The following STK31 variants were observed in gnomAD, a reference collection of about 807,000 sequenced individuals.
STK31 encodes serine/threonine-protein kinase 31.
A neutral mutation model predicts 129.7 loss-of-function variants in STK31; 89 were observed. That is an observed-to-expected ratio of 0.69 (90% CI 0.58 to 0.82). STK31 has a LOEUF of 0.82. STK31 is among the 40% of genes least tolerant of loss of function. The pLI is 0.00. For missense variants in STK31, 1,187 were observed against 1,176.4 expected (o/e 1.01, Z -0.13); for synonymous variants, 448 against 395.3 (o/e 1.13, Z -1.58).
At chr7:23,717,962 G>A (rs1786452629) in intron 4 of STK31, among the ~76,000 whole-genome samples, 2 of 152,144 alleles carry the variant, frequency 1.3e-5, no homozygotes, top group South Asian at 4.1e-4. Flanking sequence ...TTGATTAATG[G>A]GTGTAGAGTT....
intron 9 of STK31, 82 bp from the exon 10 acceptor site, chr7:23,754,233 C>A: frequency 7.0e-7 from 1 of 1,428,846 alleles, no homozygotes; most frequent in Non-Finnish European, 9.5e-7. Flanking sequence ...AACTTTTAGA[C>A]CATTACTATT....
At chr7:23,789,063 G>T (rs145776988) in intron 21 of STK31, among the ~76,000 whole-genome samples, 1 of 152,204 alleles carries the variant, frequency 6.6e-6, no homozygotes, top group Non-Finnish European at 1.5e-5. Context: ...ACAATATGTG[G>T]CCTTTTATGC....
chr7:23,753,884 C>G (rs1217101783), intron 9 of STK31, among the ~76,000 whole-genome samples: 3 of 152,058 alleles, frequency 2.0e-5, no homozygotes, highest in Non-Finnish European at 2.9e-5. Context: ...GAACTTAACT[C>G]TTGTTTAGAT....
chr7:23,791,306 C>T, intron 22 of STK31: 1 of 985,186 alleles, frequency 1.0e-6, no homozygotes, highest in South Asian at 4.7e-5. Flanking sequence ...GTTTCTCATC[C>T]ATAGTTTAAG....
intron 23 of STK31, among the ~76,000 whole-genome samples, chr7:23,816,899 A>G (rs987740444): frequency 3.9e-5 from 6 of 152,156 alleles, no homozygotes; most frequent in African/African-American, 1.2e-4. Flanking sequence ...TCTAAAATGT[A>G]ATCTGGCCAG....
intron 8 of STK31, among the ~76,000 whole-genome samples, chr7:23,748,963 A>G (rs1300262349): frequency 2.0e-5 from 3 of 152,224 alleles, no homozygotes; most frequent in Non-Finnish European, 2.9e-5. Flanking sequence ...ACTGTACACT[A>G]TAGATGTTAA....
chr7:23,769,831 C>A, intron 13 of STK31, 75 bp downstream of exon 13: 1 of 935,494 alleles, frequency 1.1e-6, no homozygotes, highest in Non-Finnish European at 1.6e-6. Flanking sequence ...AAGTATTAAC[C>A]AATAATAGAG....
intron 22 of STK31, among the ~76,000 whole-genome samples, chr7:23,810,872 T>A (rs928136174): frequency 2.3e-4 from 32 of 141,110 alleles, no homozygotes; most frequent in African/African-American, 6.2e-4. Context: ...ATATTATATA[T>A]AAATATGTAT....
At chr7:23,750,191 A>G (rs116767197) in intron 8 of STK31, among the ~76,000 whole-genome samples, 3,988 of 151,562 alleles carry the variant, frequency 0.026, 167 homozygotes, top group African/African-American at 0.091. Context: ...GGGGGCCCCC[A>G]TGACTGGATG....
chr7:23,812,081 TTTTC>T (rs1265850720), intron 22 of STK31, among the ~76,000 whole-genome samples: 1 of 152,208 alleles, frequency 6.6e-6, no homozygotes, highest in Non-Finnish European at 1.5e-5. Context: ...TAAAAAATTA[TTTTC>T]TTTTTGTTTG....
chr7:23,802,112 C>T (rs1470949347), intron 22 of STK31, among the ~76,000 whole-genome samples: 2 of 151,998 alleles, frequency 1.3e-5, no homozygotes, highest in South Asian at 4.1e-4. Context: ...AAGTCAGGCG[C>T]GTAAGTTTAT....
At chr7:23,827,589 C>T (rs191334969) in intron 23 of STK31, among the ~76,000 whole-genome samples, 16 of 152,318 alleles carry the variant, frequency 1.1e-4, no homozygotes, top group Admixed American at 2.6e-4. Flanking sequence ...GCCTTCCTCT[C>T]TCAACTCGTC....
At chr7:23,784,247 G>A (rs1791121446) in intron 17 of STK31, among the ~76,000 whole-genome samples, 1 of 152,012 alleles carries the variant, frequency 6.6e-6, no homozygotes, top group African/African-American at 2.4e-5. Context: ...CTACAGTGAG[G>A]GCCTAGATGA....
At chr7:23,730,878 A>ATATATATTT in intron 6 of STK31, among the ~76,000 whole-genome samples, 6 of 59,542 alleles carry the variant, frequency 1.0e-4, no homozygotes, top group Non-Finnish European at 1.6e-4. Flanking sequence ...ATATATATAT[A>ATATATATTT]TTTTTTTTTT....
At chr7:23,799,428 G>A (rs1478481855) in intron 22 of STK31, among the ~76,000 whole-genome samples, 22 of 151,890 alleles carry the variant, frequency 1.4e-4, no homozygotes, top group Admixed American at 1.4e-3. Context: ...GGCCACAGAA[G>A]TAATGCCTCA....
chr7:23,770,301 A>G (rs556348982), intron 13 of STK31, among the ~76,000 whole-genome samples: 15 of 152,134 alleles, frequency 9.9e-5, no homozygotes, highest in Non-Finnish European at 2.1e-4. Flanking sequence ...CTGCTTTCCA[A>G]TGTTTCAGTG....
At chr7:23,810,640 T>C (rs1398157852) in intron 22 of STK31, among the ~76,000 whole-genome samples, 1 of 137,202 alleles carries the variant, frequency 7.3e-6, no homozygotes, top group South Asian at 2.1e-4. Context: ...AGATATAAAA[T>C]ATATAAATTA....
rs187643663 is a variant in STK31 at position 23,802,111 on chromosome 7, G to A, written c.2760+11165G>A. Among the ~76,000 whole-genome samples, 580 of 152,210 alleles carry A rather than the reference G, an allele frequency of 3.8e-3. 4 individuals carry two copies. The highest frequency in any genetic ancestry group is 0.02 in the Middle Eastern group (6 of 294). On this transcript the variant is annotated intron_variant, in intron 22 of 23. Transcript: ENST00000355870. ...AGGAAAAATAGACCTAAAGTCAGGC[G>A]CGTAAGTTTATTGAACCTGAGGGGC... is the stretch of plus-strand genomic sequence containing the variant.
Position 23,785,094 on chromosome 7 carries a change from G to A in STK31, c.2149-384G>A, listed in dbSNP as rs377004950. 3.9e-5 allele frequency among the ~76,000 whole-genome samples: 6 copies of A among 152,146 alleles called. No homozygotes were observed. The South Asian group carries it at 8.3e-4, about 21-fold the overall frequency. ...TTAGTGCACCCATCACCTGAGTGGT[G>A]TACACTAACCCAATATGTAGTCCCT... is the stretch of plus-strand genomic sequence containing the variant. On this transcript the variant is annotated intron_variant, in intron 17 of 23. Coordinates refer to ENST00000355870, the MANE Select transcript of STK31 (RefSeq NM_031414.5).
Sources: allele counts gnomAD v4.1 joint callset (sites outside exome capture counted in the v4.1 genomes callset), GRCh38; gene constraint gnomAD v4.1.1; transcripts MANE v1.5; gene names NCBI Gene and HGNC (gene_info 2026-07-23, HGNC 2026-07-21).